The following ANKS1B variants were observed in gnomAD, a reference collection of about 807,000 sequenced individuals.
ANKS1B encodes the protein ankyrin repeat and sterile alpha motif domain-containing protein 1B.
Under a neutral mutation model 148.3 loss-of-function variants are expected in ANKS1B, and 36 were observed. That is an observed-to-expected ratio of 0.24 (90% CI 0.19 to 0.32). The LOEUF is 0.32. Ranked by LOEUF, ANKS1B falls within the 10% of genes least tolerant of loss-of-function variation. The pLI, the probability that ANKS1B is intolerant of heterozygous loss-of-function variation, is 1.00. For synonymous variants in ANKS1B, 542 were observed against 560.8 expected (o/e 0.97, Z 0.47); for missense variants, 1,157 against 1,542.6 (o/e 0.75, Z 4.19).
chr12:99,509,541 A>C (rs2096743679), intron 9 of ANKS1B, among the ~76,000 whole-genome samples: 1 of 151,976 alleles, frequency 6.6e-6, no homozygotes, highest in Admixed American at 6.6e-5. Context: ...ATCCAGAGCA[A>C]GACTCTAATT....
intron 14 of ANKS1B, among the ~76,000 whole-genome samples, chr12:99,220,378 G>A (rs532141372): frequency 2.3e-4 from 35 of 151,866 alleles, no homozygotes; most frequent in African/African-American, 8.0e-4. Flanking sequence ...GATACCTAAA[G>A]GGAATGCAGT....
At chr12:98,977,961 C>T (rs1426841898) in intron 17 of ANKS1B, among the ~76,000 whole-genome samples, 1 of 151,940 alleles carries the variant, frequency 6.6e-6, no homozygotes, top group Non-Finnish European at 1.5e-5. Context: ...GGGATATTTA[C>T]ATAATATTTA....
intron 17 of ANKS1B, among the ~76,000 whole-genome samples, chr12:99,004,625 G>A (rs1253158566): frequency 3.9e-5 from 6 of 152,006 alleles, no homozygotes; most frequent in Non-Finnish European, 7.4e-5. Context: ...GGTGGGGTGC[G>A]GGGAAGGAGG....
chr12:99,158,618 C>T, intron 14 of ANKS1B, among the ~76,000 whole-genome samples: 1 of 152,012 alleles, frequency 6.6e-6, no homozygotes, highest in African/African-American at 2.4e-5. Flanking sequence ...AAAACAATGC[C>T]AACAAAAACC....
Position 98,942,020 on chromosome 12 carries a change from A to G in ANKS1B, c.2779-109884T>C, listed in dbSNP as rs909944829. 3.9e-5 allele frequency among the ~76,000 whole-genome samples: 6 copies of G among 152,172 alleles called. No homozygotes were observed. In the East Asian group the frequency reaches 5.8e-4, roughly 15 times the overall value. ...AACTTTGGGAGGCTGAGGCGGGTAG[A>G]TTGCAAGGTCAAGAGTTTGAGACTA... On this transcript the variant is annotated intron_variant, in intron 17 of 26. Coordinates refer to ENST00000683438, the MANE Select transcript of ANKS1B (RefSeq NM_001352186.2).
intron 10 of ANKS1B, among the ~76,000 whole-genome samples, chr12:99,453,150 C>T (rs558232514): frequency 6.6e-5 from 10 of 152,052 alleles, no homozygotes; most frequent in African/African-American, 2.2e-4. Flanking sequence ...ATTAGCCAGG[C>T]GTGGTGGTGG....
chr12:99,498,903 G>A (rs1567218087), intron 10 of ANKS1B, among the ~76,000 whole-genome samples: 1 of 152,222 alleles, frequency 6.6e-6, no homozygotes, highest in Non-Finnish European at 1.5e-5. Flanking sequence ...AGATCAGTTA[G>A]TTGGCCCTAA....
chr12:99,905,277 G>T (rs1465344803), intron 1 of ANKS1B, among the ~76,000 whole-genome samples: 1 of 152,178 alleles, frequency 6.6e-6, no homozygotes, highest in Non-Finnish European at 1.5e-5. Context: ...AGATAATTTT[G>T]ATTTAATTGA....
chr12:99,074,939 A>G (rs1001864222), intron 16 of ANKS1B, among the ~76,000 whole-genome samples: 1 of 152,166 alleles, frequency 6.6e-6, no homozygotes, highest in Non-Finnish European at 1.5e-5. Flanking sequence ...ATTAGTCAAC[A>G]GGTGGTTTTT....
At chr12:99,695,846 A>G (rs2053816826) in intron 8 of ANKS1B, among the ~76,000 whole-genome samples, 2 of 152,182 alleles carry the variant, frequency 1.3e-5, no homozygotes, top group African/African-American at 4.8e-5. Flanking sequence ...TACCTATGTA[A>G]CAAACCTGCA....
At chr12:99,340,028 A>T (rs2089642554) in intron 12 of ANKS1B, among the ~76,000 whole-genome samples, 1 of 152,094 alleles carries the variant, frequency 6.6e-6, no homozygotes, top group East Asian at 1.9e-4. Context: ...TTATAAACTT[A>T]TGGGGTCATA....
chr12:99,772,763 C>T (rs933808691), intron 8 of ANKS1B, 159 bp downstream of exon 8: 5 of 642,814 alleles, frequency 7.8e-6, no homozygotes, highest in African/African-American at 1.9e-5. Context: ...ACATGCACTG[C>T]GAGTAAAACC....
chr12:99,366,723 A>G (rs971502817), intron 12 of ANKS1B, among the ~76,000 whole-genome samples: 1 of 152,200 alleles, frequency 6.6e-6, no homozygotes, highest in African/African-American at 2.4e-5. Context: ...TAAAAAATAA[A>G]ACCATATAAG....
chr12:99,419,918 T>C (rs1358751151), intron 11 of ANKS1B, among the ~76,000 whole-genome samples: 1 of 152,176 alleles, frequency 6.6e-6, no homozygotes, highest in African/African-American at 2.4e-5. Flanking sequence ...GATGTTCCTG[T>C]CTTGACCTCC....
At chr12:98,781,333 C>A (rs761838170) in intron 23 of ANKS1B, 130 bp from the exon 24 acceptor site, 3 of 690,830 alleles carry the variant, frequency 4.3e-6, no homozygotes, top group Admixed American at 4.0e-5. Flanking sequence ...CACACACACA[C>A]ACACACACAT....
chr12:99,164,791 A>G (rs543565147), intron 14 of ANKS1B, among the ~76,000 whole-genome samples: 1 of 152,072 alleles, frequency 6.6e-6, no homozygotes. Flanking sequence ...ACATTTTCCT[A>G]GTCAATTACT....
intron 14 of ANKS1B, among the ~76,000 whole-genome samples, chr12:99,160,750 T>C (rs1352212542): frequency 1.3e-5 from 2 of 152,326 alleles, no homozygotes; most frequent in East Asian, 3.9e-4. Context: ...TTCATTCTTC[T>C]GCATATCGCA....
chr12:99,269,651 C>T (rs1033309807), intron 12 of ANKS1B, among the ~76,000 whole-genome samples: 6 of 152,160 alleles, frequency 3.9e-5, no homozygotes, highest in African/African-American at 9.7e-5. Flanking sequence ...CTCCGCGTCC[C>T]GGGTTCACGC....
chr12:99,544,661 T>G (rs2097156530), intron 9 of ANKS1B, among the ~76,000 whole-genome samples: 1 of 152,128 alleles, frequency 6.6e-6, no homozygotes, highest in South Asian at 2.1e-4. Context: ...ACCTACATTA[T>G]TTAGTCATTC....
Sources: allele counts gnomAD v4.1 joint callset (sites outside exome capture counted in the v4.1 genomes callset), GRCh38; gene constraint gnomAD v4.1.1; transcripts MANE v1.5; gene names NCBI Gene and HGNC (gene_info 2026-07-23, HGNC 2026-07-21).